Variants in MAML3 observed in about 807,000 individuals in gnomAD.
MAML3 encodes mastermind like transcriptional coactivator 3.
A neutral mutation model predicts 101.9 loss-of-function variants in MAML3; 27 were observed. That is an observed-to-expected ratio of 0.27 (90% CI 0.20 to 0.37). MAML3 has a LOEUF of 0.37. Ranked by LOEUF, MAML3 falls within the 10% of genes least tolerant of loss-of-function variation. MAML3 has a pLI of 1.00. For synonymous variants in MAML3, 501 were observed against 555.9 expected (o/e 0.90, Z 1.39); for missense variants, 1,316 against 1,444.9 (o/e 0.91, Z 1.45).
chr4:140,035,818 A>C (rs74755585), intron 1 of MAML3, among the ~76,000 whole-genome samples: 5,307 of 151,978 alleles, frequency 0.035, 261 homozygotes, highest in African/African-American at 0.11. Flanking sequence ...AAAAACTAAC[A>C]TTAATAAAGT....
chr4:139,835,438 T>C (rs867543840), intron 2 of MAML3, among the ~76,000 whole-genome samples: 4 of 152,254 alleles, frequency 2.6e-5, no homozygotes, highest in Non-Finnish European at 5.9e-5. Context: ...TCTTGTTATA[T>C]TCCTTCCAGA....
intron 3 of MAML3, 110 bp from the exon 4 acceptor site, chr4:139,725,945 T>A: frequency 1.1e-6 from 1 of 869,808 alleles, no homozygotes; most frequent in Non-Finnish European, 1.9e-6. Context: ...AACTAAACTT[T>A]GTGTTGAAGA....
chr4:140,055,969 G>A (rs1727342750), intron 1 of MAML3, among the ~76,000 whole-genome samples: 1 of 152,098 alleles, frequency 6.6e-6, no homozygotes, highest in Non-Finnish European at 1.5e-5. Context: ...ACAGAAAAAA[G>A]AAAAGCACAT....
At chr4:139,762,236 C>T (rs1037904114) in intron 2 of MAML3, among the ~76,000 whole-genome samples, 1 of 152,180 alleles carries the variant, frequency 6.6e-6, no homozygotes, top group African/African-American at 2.4e-5. Flanking sequence ...TCCCCCGTGT[C>T]TAGCCCAGCG....
intron 1 of MAML3, among the ~76,000 whole-genome samples, chr4:139,934,646 C>G (rs1352574311): frequency 6.6e-6 from 1 of 152,108 alleles, no homozygotes; most frequent in Non-Finnish European, 1.5e-5. Flanking sequence ...CTGTCTCCAC[C>G]CCTGACTTTA....
At position 139,834,155 on chromosome 4, in the gene MAML3, G is replaced by A. The variant is rs757232747; in HGVS notation, c.2079+55202C>T. 3.3e-5 allele frequency among the ~76,000 whole-genome samples: 5 copies of A among 152,350 alleles called. No homozygotes were observed. In the East Asian group the frequency reaches 5.8e-4, roughly 18 times the overall value. ...TTTTGAAATGAGACTTCAATCCAGCGTGGGTTTTAATAGGAAACTTATCTT... is the reference window on the plus strand; with the variant it reads ...TTTTGAAATGAGACTTCAATCCAGCATGGGTTTTAATAGGAAACTTATCTT... On this transcript the variant is annotated intron_variant, in intron 2 of 4. Coordinates refer to ENST00000509479, the MANE Select transcript of MAML3 (RefSeq NM_018717.5).
chr4:139,889,903 G>A lies in MAML3; in HGVS notation c.1533C>T (p.His511=), dbSNP rs181015013. The A allele has an allele frequency of 2.8e-4, 452 of 1,607,862 alleles. No homozygotes were observed. The highest frequency in any genetic ancestry group is 3.5e-4 in the Admixed American group (21 of 59,308). ...QQQQQQQQQQ[H]SNQTSNWSPL... ...GAGACCAATTTGAAGTCTGATTTGA[G>A]TGCTGTTGCTGCTGCTGCTGCTGCT... Residue 511 remains histidine, a synonymous_variant, in exon 2 of 5, where the codon CAC becomes CAT. Transcript: ENST00000509479.
At chr4:139,996,223 C>A (rs563054553) in intron 1 of MAML3, among the ~76,000 whole-genome samples, 5 of 152,228 alleles carry the variant, frequency 3.3e-5, no homozygotes, top group Admixed American at 3.3e-4. Flanking sequence ...GTATATTCTG[C>A]AATTGTTAAA....
At chr4:139,817,232 A>G (rs566550802) in intron 2 of MAML3, among the ~76,000 whole-genome samples, 2 of 152,332 alleles carry the variant, frequency 1.3e-5, no homozygotes, top group East Asian at 3.9e-4. Context: ...GAATGGATGG[A>G]TGGATGGATG....
intron 2 of MAML3, among the ~76,000 whole-genome samples, chr4:139,811,618 T>C (rs1730798105): frequency 6.6e-6 from 1 of 152,228 alleles, no homozygotes; most frequent in East Asian, 1.9e-4. Context: ...CCAAGTAACC[T>C]GACAATTTTA....
chr4:139,941,841 C>T (rs549927897), intron 1 of MAML3, among the ~76,000 whole-genome samples: 43 of 152,060 alleles, frequency 2.8e-4, no homozygotes, highest in Non-Finnish European at 5.7e-4. Context: ...CATTAGAAAC[C>T]TTTAATACCA....
At chr4:139,977,674 A>C (rs1248710025) in intron 1 of MAML3, among the ~76,000 whole-genome samples, 1 of 152,088 alleles carries the variant, frequency 6.6e-6, no homozygotes. Context: ...TGAGTTCGAG[A>C]CCAGCCCAGC....
At chr4:139,801,616 GAA>G (rs1730604509) in intron 2 of MAML3, among the ~76,000 whole-genome samples, 1 of 150,468 alleles carries the variant, frequency 6.6e-6, no homozygotes, top group South Asian at 2.1e-4. Context: ...GACCTAATTT[GAA>G]AAGAGCAGGA....
At chr4:140,144,810 CAT>C (rs1420134635) in intron 1 of MAML3, among the ~76,000 whole-genome samples, 1 of 152,220 alleles carries the variant, frequency 6.6e-6, no homozygotes, top group African/African-American at 2.4e-5. Context: ...CCTGCTCTCA[CAT>C]GTCTCTCTCC....
chr4:139,918,418 G>C (rs551927106), intron 1 of MAML3, among the ~76,000 whole-genome samples: 1 of 152,072 alleles, frequency 6.6e-6, no homozygotes, highest in African/African-American at 2.4e-5. Context: ...TCTCCACGTG[G>C]AACACGCTTA....
At chr4:139,793,022 A>G (rs1730446492) in intron 2 of MAML3, among the ~76,000 whole-genome samples, 2 of 152,162 alleles carry the variant, frequency 1.3e-5, no homozygotes, top group South Asian at 4.1e-4. Context: ...CTGGGATTAC[A>G]GGCGTGAGAC....
intron 2 of MAML3, among the ~76,000 whole-genome samples, chr4:139,824,969 T>TA (rs1367669082): frequency 6.6e-6 from 1 of 151,848 alleles, no homozygotes; most frequent in Non-Finnish European, 1.5e-5. Context: ...TCTGAAAAGG[T>TA]ACGTCTTCAA....
chr4:139,862,470 T>C (rs1420658584), intron 2 of MAML3, among the ~76,000 whole-genome samples: 1 of 152,220 alleles, frequency 6.6e-6, no homozygotes, highest in African/African-American at 2.4e-5. Flanking sequence ...ATTCCCTTTT[T>C]CTTGGACAAA....
intron 2 of MAML3, among the ~76,000 whole-genome samples, chr4:139,870,000 T>C (rs1043266666): frequency 5.3e-5 from 8 of 152,248 alleles, no homozygotes; most frequent in Non-Finnish European, 1.0e-4. Flanking sequence ...GTTGACCATA[T>C]GACCTTAAAC....
Sources: gnomAD v4.1 joint callset for allele counts (sites outside exome capture counted in the v4.1 genomes callset) on GRCh38, gnomAD v4.1.1 for gene constraint, MANE v1.5 for transcripts, NCBI Gene and HGNC (gene_info 2026-07-23, HGNC 2026-07-21) for gene names.